The following NAV3 variants were observed in gnomAD, a reference collection of about 807,000 sequenced individuals.
NAV3 encodes the protein neuron navigator 3, also known as pore membrane and/or filament interacting like protein 1.
A neutral mutation model predicts 244.7 loss-of-function variants in NAV3; 87 were observed. The ratio of observed to expected loss-of-function variants is 0.36; its 90% confidence interval spans 0.30 to 0.42. NAV3 has a LOEUF of 0.42. Among genes scored for constraint, NAV3 ranks in the 20% least tolerant of loss-of-function variants. The probability of loss-of-function intolerance (pLI) is 1.00; values close to 1 mark genes in which losing one functional copy is unlikely to be tolerated. For synonymous variants in NAV3, 1,126 were observed against 1,042.2 expected, an observed-to-expected ratio of 1.08 and a Z score of -1.55; for missense variants, 2,663 against 2,893.3, an observed-to-expected ratio of 0.92 and a Z score of 1.83.
At chr12:77,887,025 A>G (rs1449806662) in intron 1 of NAV3, among the ~76,000 whole-genome samples, 1 of 152,112 alleles carries the variant, frequency 6.6e-6, no homozygotes, top group African/African-American at 2.4e-5. Flanking sequence ...TCCAGGTATA[A>G]TGTTAGTAGC....
chr12:78,097,343 G>A (rs959813929), intron 12 of NAV3, among the ~76,000 whole-genome samples: 5 of 152,166 alleles, frequency 3.3e-5, no homozygotes, highest in African/African-American at 1.2e-4. Context: ...GGCTGTTTGT[G>A]CTAGAAAATA....
intron 33 of NAV3, 92 bp downstream of exon 33, chr12:78,188,869 A>T: frequency 8.3e-7 from 1 of 1,211,612 alleles, no homozygotes; most frequent in Non-Finnish European, 1.1e-6. Flanking sequence ...TTCCCTTAAA[A>T]TTTTTCTATT....
intron 1 of NAV3, among the ~76,000 whole-genome samples, chr12:77,866,619 A>G (rs554999647): frequency 6.6e-6 from 1 of 152,320 alleles, no homozygotes; most frequent in South Asian, 2.1e-4. Context: ...ACTTGTGACA[A>G]ATTTACTCTG....
chr12:77,975,576 G>A (rs1464703621), intron 5 of NAV3, among the ~76,000 whole-genome samples: 5 of 152,178 alleles, frequency 3.3e-5, no homozygotes, highest in South Asian at 4.1e-4. Flanking sequence ...GAATGTTGTC[G>A]GTGAATATCT....
chr12:77,846,489 G>GC (rs549813424), intron 1 of NAV3, among the ~76,000 whole-genome samples: 1 of 152,278 alleles, frequency 6.6e-6, no homozygotes, highest in Non-Finnish European at 1.5e-5. Flanking sequence ...ATTTTAGTGC[G>GC]CAGTGTCTTG....
intron 2 of NAV3, among the ~76,000 whole-genome samples, chr12:77,588,904 G>A (rs995126409): frequency 1.3e-5 from 2 of 152,142 alleles, no homozygotes; most frequent in African/African-American, 4.8e-5. Context: ...TGGGCTCTCT[G>A]CATACTGAGC....
intron 11 of NAV3, among the ~76,000 whole-genome samples, chr12:78,054,832 G>C (rs1009978721): frequency 1.3e-5 from 2 of 151,992 alleles, no homozygotes; most frequent in African/African-American, 4.8e-5. Flanking sequence ...AGGATTTTTT[G>C]ATGAGAAAGC....
At chr12:77,892,198 A>G (rs1455438404) in intron 1 of NAV3, among the ~76,000 whole-genome samples, 1 of 152,216 alleles carries the variant, frequency 6.6e-6, no homozygotes, top group African/African-American at 2.4e-5. Context: ...ATGATCAAAG[A>G]TTGACTTATG....
Position 77,984,719 on chromosome 12 carries a change from G to C in NAV3, c.672-10084G>C, listed in dbSNP as rs1000266832. 1.3e-5 allele frequency among the ~76,000 whole-genome samples: 2 copies of C among 152,080 alleles called. 1 individual carries two copies. The highest frequency in any genetic ancestry group is 4.1e-4 in the South Asian group (2 of 4,832). On this transcript the variant is annotated intron_variant, in intron 5 of 39. Transcript: ENST00000397909. ...CATTTCAACATATTAATTCACAGAAGATAAATAATGTCATCTATCATTTCT... is the reference window on the plus strand; with the variant it reads ...CATTTCAACATATTAATTCACAGAACATAAATAATGTCATCTATCATTTCT...
At chr12:78,176,367 T>C in intron 25 of NAV3, 72 bp from the exon 26 acceptor site, 1 of 1,426,354 alleles carries the variant, frequency 7.0e-7, no homozygotes, top group Non-Finnish European at 9.7e-7. Flanking sequence ...TTTATACAGG[T>C]AATATTTTAA....
intron 1 of NAV3, among the ~76,000 whole-genome samples, chr12:77,939,734 C>T (rs1443530701): frequency 1.3e-5 from 2 of 152,150 alleles, no homozygotes; most frequent in Non-Finnish European, 2.9e-5. Context: ...TGTGTAATAA[C>T]TCCATTTGCT....
At chr12:77,916,332 G>C (rs1293234517) in intron 1 of NAV3, among the ~76,000 whole-genome samples, 1 of 151,232 alleles carries the variant, frequency 6.6e-6, no homozygotes, top group Non-Finnish European at 1.5e-5. Flanking sequence ...TAAATCCAGG[G>C]ACCGTTTTGA....
chr12:77,689,980 T>C (rs1371219306), intron 2 of NAV3, among the ~76,000 whole-genome samples: 1 of 151,846 alleles, frequency 6.6e-6, no homozygotes, highest in African/African-American at 2.4e-5. Context: ...CAAGGAGTTT[T>C]TTCCATTTTT....
chr12:78,202,548 T>C (rs1351653776), intron 38 of NAV3, among the ~76,000 whole-genome samples: 1 of 152,088 alleles, frequency 6.6e-6, no homozygotes, highest in East Asian at 1.9e-4. Context: ...AGTTTCCATT[T>C]GGGCAAAAGT....
intron 9 of NAV3, chr12:78,037,414 G>A (rs901529497): frequency 1.5e-6 from 1 of 668,998 alleles, no homozygotes; most frequent in Non-Finnish European, 2.7e-6. Context: ...CTAAAAACGT[G>A]TATGGGATCT....
chr12:78,158,924 T>C (rs1352565885), intron 22 of NAV3, among the ~76,000 whole-genome samples: 1 of 152,150 alleles, frequency 6.6e-6, no homozygotes, highest in Non-Finnish European at 1.5e-5. Context: ...GATGTGCAAG[T>C]CAGAAGGAGT....
chr12:77,610,616 A>G (rs920085068), intron 2 of NAV3, among the ~76,000 whole-genome samples: 1 of 152,052 alleles, frequency 6.6e-6, no homozygotes, highest in African/African-American at 2.4e-5. Context: ...TTCTGTGGTT[A>G]AGATCTAATT....
rs147468609 is a variant in NAV3, at chr12:78,164,719, T to C, written c.4870-4036T>C. On this transcript the variant is annotated intron_variant, in intron 23 of 39. Transcript: ENST00000397909. ...GTAGAACAACTAGCAAGACTTCAGA[T>C]GCATGGTGGAGTGGGGAAAGGAGGA... Among the ~76,000 whole-genome samples, 60 of 152,142 alleles carry C rather than the reference T, an allele frequency of 3.9e-4. 1 individual carries two copies. The highest frequency in any genetic ancestry group is 1.3e-3 in the African/African-American group (54 of 41,554).
At chr12:77,729,228 A>G (rs1195917907) in intron 2 of NAV3, among the ~76,000 whole-genome samples, 5 of 151,988 alleles carry the variant, frequency 3.3e-5, no homozygotes, top group Non-Finnish European at 7.4e-5. Flanking sequence ...TCAAGTGTAT[A>G]TTGATGTGAA....
Sources: allele counts gnomAD v4.1 joint callset (sites outside exome capture counted in the v4.1 genomes callset), GRCh38; gene constraint gnomAD v4.1.1; transcripts MANE v1.5; gene names NCBI Gene and HGNC (gene_info 2026-07-23, HGNC 2026-07-21).